The following BMX variants were observed in gnomAD, a reference collection of about 807,000 sequenced individuals.
BMX encodes cytoplasmic tyrosine-protein kinase BMX.
In BMX, 31 loss-of-function variants were observed where a neutral mutation model predicts 59.2. That is an observed-to-expected ratio of 0.52 (90% CI 0.39 to 0.71). The LOEUF is 0.71. BMX is among the 30% of genes least tolerant of loss of function. BMX has a pLI of 0.00. For synonymous variants in BMX, 185 were observed against 181.0 expected (o/e 1.02, Z -0.18); for missense variants, 474 against 491.7 (o/e 0.96, Z 0.34).
intron 9 of BMX, among the ~76,000 whole-genome samples, chrX:15,528,620 T>C (rs945479520): frequency 2.7e-5 from 3 of 111,086 alleles, no homozygotes; most frequent in Non-Finnish European, 3.8e-5. Flanking sequence ...ATCATACCAC[T>C]GCACTCCAGC....
chrX:15,507,637 C>A (rs941798375), intron 1 of BMX, among the ~76,000 whole-genome samples: 1 of 111,501 alleles, frequency 9.0e-6, no homozygotes, highest in African/African-American at 3.3e-5. Flanking sequence ...TTCAGAAATA[C>A]CTTAAGTTTT....
At chrX:15,546,166 A>T (rs1925937119) in intron 16 of BMX, among the ~76,000 whole-genome samples, 1 of 112,321 alleles carries the variant, frequency 8.9e-6, no homozygotes, top group Non-Finnish European at 1.9e-5. Context: ...CATTATTACA[A>T]ACAAAGAGTT....
intron 4 of BMX, among the ~76,000 whole-genome samples, chrX:15,515,595 T>G (rs918410800): frequency 2.7e-5 from 3 of 112,062 alleles, no homozygotes; most frequent in Admixed American, 1.9e-4. Flanking sequence ...AGTTAATAAT[T>G]GGTGAATCTA....
At chrX:15,532,170 G>T (rs922046055) in intron 11 of BMX, among the ~76,000 whole-genome samples, 7 of 110,967 alleles carry the variant, frequency 6.3e-5, no homozygotes, top group Non-Finnish European at 1.1e-4. Context: ...TATTGTTGTT[G>T]TTGTTGCTGG....
chrX:15,537,117 C>T lies in BMX; in HGVS notation c.1223-17C>T. The T allele has an allele frequency of 8.3e-7, 1 of 1,209,393 alleles. No homozygotes were observed. The highest frequency in any genetic ancestry group is 1.1e-6 in the Non-Finnish European group (1 of 894,098). The stretch of plus-strand genomic sequence containing the variant: ...TTTCTATGCTCGTCCTAAAGAATGT[C>T]CGTCTTGCCTTGTTAGGAATCTGGG... On this transcript the variant is annotated splice_polypyrimidine_tract_variant and intron_variant, in intron 13 of 18. Coordinates refer to ENST00000348343, the MANE Select transcript of BMX (RefSeq NM_203281.3).
intron 4 of BMX, 94 bp downstream of exon 4, chrX:15,511,612 G>A (rs1019973928): frequency 4.0e-5 from 27 of 670,961 alleles, no homozygotes; most frequent in Non-Finnish European, 1.6e-5. Flanking sequence ...AGACATGGCA[G>A]TAAAAAGACT....
At position 15,539,270 on chromosome X, in the gene BMX, A is replaced by C. The variant is rs1925534827; in HGVS notation, c.1394+1965A>C. Reference sequence around the variant, plus strand: ...AAGCTGGTATCCATAAAAAAATCACAAGAAGTCATTTAAAAACATCACCTA... The same window carrying C: ...AAGCTGGTATCCATAAAAAAATCACCAGAAGTCATTTAAAAACATCACCTA... On this transcript the variant is annotated intron_variant, in intron 14 of 18. Transcript: ENST00000348343. Among the ~76,000 whole-genome samples the C allele has an allele frequency of 2.7e-5, 3 of 111,491 alleles. 1 individual carries two copies. In the Admixed American group the frequency reaches 2.9e-4, roughly 11 times the overall value.
chrX:15,532,257 C>G (rs931674513), intron 11 of BMX, among the ~76,000 whole-genome samples: 5 of 111,320 alleles, frequency 4.5e-5, no homozygotes, highest in Non-Finnish European at 7.5e-5. Context: ...TCATCTCATG[C>G]AAATCATCAT....
chrX:15,521,376 A>G (rs1449991795), intron 6 of BMX, among the ~76,000 whole-genome samples: 1 of 112,141 alleles, frequency 8.9e-6, no homozygotes, highest in Non-Finnish European at 1.9e-5. Flanking sequence ...GTATGTGATT[A>G]TATTTACCGT....
intron 1 of BMX, among the ~76,000 whole-genome samples, chrX:15,502,988 A>T (rs1923621947): frequency 9.0e-6 from 1 of 111,377 alleles, no homozygotes; most frequent in Non-Finnish European, 1.9e-5. Flanking sequence ...CTTGACACCT[A>T]CAAAATCTTT....
intron 9 of BMX, among the ~76,000 whole-genome samples, chrX:15,527,283 T>TATATTATATATAC (rs1285065649): frequency 1.5e-5 from 1 of 65,867 alleles, no homozygotes; most frequent in Non-Finnish European, 2.7e-5. Context: ...TATATATATA[T>TATATTATATATAC]ACACACACAC....
At chrX:15,541,042 G>GAA in intron 14 of BMX, among the ~76,000 whole-genome samples, 1 of 91,889 alleles carries the variant, frequency 1.1e-5, no homozygotes, top group Non-Finnish European at 2.2e-5. Flanking sequence ...CTCACAAATG[G>GAA]AAAAAAAAAA....
intron 1 of BMX, among the ~76,000 whole-genome samples, chrX:15,502,277 T>A (rs1372577086): frequency 8.9e-6 from 1 of 112,084 alleles, no homozygotes; most frequent in Non-Finnish European, 1.9e-5. Flanking sequence ...GTGTTACATG[T>A]TTAATTCAGC....
intron 18 of BMX, among the ~76,000 whole-genome samples, chrX:15,555,275 C>T (rs1314301866): frequency 1.2e-5 from 1 of 86,179 alleles, no homozygotes; most frequent in Non-Finnish European, 2.1e-5. Context: ...GTGGTATGAT[C>T]TAGGCCTACT....
intron 1 of BMX, among the ~76,000 whole-genome samples, chrX:15,506,009 C>T (rs1046576909): frequency 9.0e-6 from 1 of 111,054 alleles, no homozygotes; most frequent in East Asian, 2.8e-4. Context: ...CCTGCCTCAG[C>T]CTCCCTAGTA....
At chrX:15,510,724 A>G (rs1471165245) in intron 3 of BMX, among the ~76,000 whole-genome samples, 1 of 112,105 alleles carries the variant, frequency 8.9e-6, no homozygotes, top group Non-Finnish European at 1.9e-5. Flanking sequence ...TTGAAATAAG[A>G]TTAAAATACT....
At chrX:15,503,543 C>T (rs5980163) in intron 1 of BMX, among the ~76,000 whole-genome samples, 1 of 112,117 alleles carries the variant, frequency 8.9e-6, no homozygotes, top group African/African-American at 3.2e-5. Context: ...GGCCATGCCT[C>T]TTAGGTCACT....
chrX:15,515,331 A>T (rs1251678691), intron 4 of BMX, among the ~76,000 whole-genome samples: 1 of 110,502 alleles, frequency 9.0e-6, no homozygotes, highest in East Asian at 2.8e-4. Flanking sequence ...AAATTAAAAA[A>T]TTTTAAAAAT....
chrX:15,549,949 C>T lies in BMX; in HGVS notation c.1905C>T (p.His635=). The T allele has an allele frequency of 8.3e-7, 1 of 1,209,568 alleles. No homozygotes were observed. Residue 635 remains histidine, a synonymous_variant, in exon 18 of 19, where the codon CAC becomes CAT. Coordinates refer to ENST00000348343, the MANE Select transcript of BMX (RefSeq NM_203281.3). ...VSQGHRLYRP[H]LASDTIYQIM... ...AGGGCCACAGGCTTTACCGGCCCCACCTGGCATCGGACACCATCTACCAGA... is the reference window on the plus strand; with the variant it reads ...AGGGCCACAGGCTTTACCGGCCCCATCTGGCATCGGACACCATCTACCAGA...
Sources: gnomAD v4.1 joint callset for allele counts (sites outside exome capture counted in the v4.1 genomes callset) on GRCh38, gnomAD v4.1.1 for gene constraint, MANE v1.5 for transcripts, NCBI Gene and HGNC (gene_info 2026-07-23, HGNC 2026-07-21) for gene names.